The following IPCEF1 variants were observed in gnomAD, a reference collection of about 807,000 sequenced individuals.
IPCEF1 encodes interactor protein for cytohesin exchange factors 1.
Under a neutral mutation model 50.9 loss-of-function variants are expected in IPCEF1, and 31 were observed. That is an observed-to-expected ratio of 0.61 (90% confidence interval 0.46 to 0.82). IPCEF1 has a LOEUF of 0.82. IPCEF1 is among the 40% of genes least tolerant of loss of function. The pLI is 0.00. For synonymous variants in IPCEF1, 181 were observed against 192.0 expected (o/e 0.94, Z 0.47); for missense variants, 458 against 514.0 (o/e 0.89, Z 1.05).
At chr6:154,346,694 G>A (rs990624801) in intron 1 of IPCEF1, among the ~76,000 whole-genome samples, 1 of 152,202 alleles carries the variant, frequency 6.6e-6, no homozygotes, top group Admixed American at 6.5e-5. Flanking sequence ...ATGGCAGCAT[G>A]AGAGAGAAGT....
At chr6:154,309,483 G>T (rs77728906) in intron 1 of IPCEF1, among the ~76,000 whole-genome samples, 1 of 152,030 alleles carries the variant, frequency 6.6e-6, no homozygotes, top group Non-Finnish European at 1.5e-5. Context: ...CCATCTCACC[G>T]TTCTTCACAG....
At chr6:154,278,925 G>A (rs1782135188) in intron 2 of IPCEF1, among the ~76,000 whole-genome samples, 4 of 149,864 alleles carry the variant, frequency 2.7e-5, no homozygotes, top group African/African-American at 9.8e-5. Flanking sequence ...GACCAGCCTG[G>A]GCAACATGGT....
intron 8 of IPCEF1, among the ~76,000 whole-genome samples, chr6:154,213,633 A>G (rs1318876707): frequency 6.6e-6 from 1 of 152,180 alleles, no homozygotes; most frequent in East Asian, 1.9e-4. Flanking sequence ...CATTTCAGAA[A>G]GACTATGAGT....
chr6:154,171,915 A>G (rs1043534053), intron 10 of IPCEF1, among the ~76,000 whole-genome samples: 1 of 152,250 alleles, frequency 6.6e-6, no homozygotes, highest in African/African-American at 2.4e-5. Context: ...ATAAACACAT[A>G]GCTTTCAATA....
Position 154,294,688 on chromosome 6 carries a change from CCT to C in IPCEF1, c.-61-4934_-61-4933del, listed in dbSNP as rs1404195445. On this transcript the variant is annotated intron_variant, in intron 1 of 11. Transcript: ENST00000367220. ...CAGAACTCTCACTTTGCTGAGAGTC[CCT>C]GTTTCCCTTTTTATTTCCTTTTTGC... Among the ~76,000 whole-genome samples the C allele has an allele frequency of 2.6e-5, 4 of 152,038 alleles. No homozygotes were observed. The East Asian group carries it at 7.7e-4, about 29-fold the overall frequency.
chr6:154,211,742 T>C (rs2128605190), intron 9 of IPCEF1, among the ~76,000 whole-genome samples: 1 of 152,264 alleles, frequency 6.6e-6, no homozygotes, highest in East Asian at 1.9e-4. Context: ...TTTTAATAGG[T>C]TGGTGCAAAA....
intron 5 of IPCEF1, among the ~76,000 whole-genome samples, chr6:154,233,311 CTT>C (rs1025845642): frequency 5.9e-5 from 9 of 152,162 alleles, no homozygotes; most frequent in African/African-American, 1.4e-4. Flanking sequence ...GCTCTCCTCT[CTT>C]TTCTTTGCAT....
rs1475095817 is a variant in IPCEF1, at chr6:154,156,831, G to A, written c.*2997C>T. 2.0e-5 allele frequency: 3 copies of A among 152,184 alleles called. No individual in the cohort carries two copies. The highest frequency in any genetic ancestry group is 1.5e-5 in the Non-Finnish European group (1 of 68,038). The allele number at this position is 152,184 out of a possible 1,614,324, so 9.4% of individuals were successfully genotyped here. ...CAGTGAAGGCATCACATCAGGCTCC[G>A]TTCTGGATCTACAGGCTAACAACAG... On this transcript the variant is annotated 3_prime_UTR_variant, in exon 12 of 12. Coordinates refer to ENST00000367220, the MANE Select transcript of IPCEF1 (RefSeq NM_001130700.2).
intron 2 of IPCEF1, among the ~76,000 whole-genome samples, chr6:154,273,865 T>C (rs1170362919): frequency 5.3e-5 from 8 of 149,562 alleles, no homozygotes; most frequent in African/African-American, 1.5e-4. Context: ...GGCATTCTCC[T>C]GCCTCAGCCT....
intron 5 of IPCEF1, among the ~76,000 whole-genome samples, chr6:154,242,509 G>A (rs1222796695): frequency 6.6e-6 from 1 of 152,136 alleles, no homozygotes; most frequent in Non-Finnish European, 1.5e-5. Context: ...ATATACCCAT[G>A]ATCTTCTCCT....
intron 1 of IPCEF1, among the ~76,000 whole-genome samples, chr6:154,345,446 C>T (rs900587669): frequency 6.6e-6 from 1 of 152,086 alleles, no homozygotes; most frequent in African/African-American, 2.4e-5. Flanking sequence ...GCGATCAGAG[C>T]CCTACTAGTC....
chr6:154,266,562 A>ATATATG (rs1781759949), intron 2 of IPCEF1, among the ~76,000 whole-genome samples: 1 of 41,894 alleles, frequency 2.4e-5, no homozygotes, highest in Admixed American at 1.6e-4. Flanking sequence ...TAATATTACT[A>ATATATG]TATATATATA....
intron 2 of IPCEF1, among the ~76,000 whole-genome samples, chr6:154,288,899 AC>A (rs1782442957): frequency 6.6e-6 from 1 of 151,986 alleles, no homozygotes; most frequent in Non-Finnish European, 1.5e-5. Context: ...CCCCCTCTTT[AC>A]AAAAAATTTT....
chr6:154,291,715 C>G (rs1382852059), intron 1 of IPCEF1, among the ~76,000 whole-genome samples: 1 of 123,740 alleles, frequency 8.1e-6, no homozygotes, highest in Non-Finnish European at 1.6e-5. Flanking sequence ...GATGGAGTCT[C>G]GCACTCTCGT....
intron 1 of IPCEF1, among the ~76,000 whole-genome samples, chr6:154,347,338 C>T (rs2128700601): frequency 6.6e-6 from 1 of 152,328 alleles, no homozygotes; most frequent in African/African-American, 2.4e-5. Flanking sequence ...GGAACCCTGA[C>T]TGTACTATTT....
At chr6:154,274,762 C>G (rs1399475004) in intron 2 of IPCEF1, among the ~76,000 whole-genome samples, 1 of 152,174 alleles carries the variant, frequency 6.6e-6, no homozygotes, top group Admixed American at 6.5e-5. Flanking sequence ...GGCCAATCCT[C>G]CTCAGAGCAC....
At chr6:154,281,044 A>C (rs1048828747) in intron 2 of IPCEF1, among the ~76,000 whole-genome samples, 4 of 152,024 alleles carry the variant, frequency 2.6e-5, no homozygotes, top group African/African-American at 9.7e-5. Context: ...TCAACAAAAA[A>C]ATTTAAAAAT....
At chr6:154,185,602 AT>A in intron 10 of IPCEF1, among the ~76,000 whole-genome samples, 1 of 152,344 alleles carries the variant, frequency 6.6e-6, no homozygotes, top group South Asian at 2.1e-4. Context: ...CCATATGCTT[AT>A]TATAAATATT....
rs376675389 is a variant in IPCEF1 at position 154,271,706 on chromosome 6, G to T, written c.-17-5742C>A. Among the ~76,000 whole-genome samples, 28 of 152,102 alleles carry T rather than the reference G, an allele frequency of 1.8e-4. No individual in the cohort carries two copies. In the South Asian group the frequency reaches 5.6e-3, roughly 31 times the overall value. ...AAAAATATATGCTTAAAACTAGGCC[G>T]GGTTCAATGGCTCACATCTGTAATC... On this transcript the variant is annotated intron_variant, in intron 2 of 11. Transcript: ENST00000367220.
Sources: gnomAD v4.1 joint callset for allele counts (sites outside exome capture counted in the v4.1 genomes callset) on GRCh38, gnomAD v4.1.1 for gene constraint, MANE v1.5 for transcripts, NCBI Gene and HGNC (gene_info 2026-07-23, HGNC 2026-07-21) for gene names.